PDE7B: variants seen among roughly 807,000 people sequenced by gnomAD.
The protein encoded by PDE7B is phosphodiesterase 7B.
In PDE7B, 29 loss-of-function variants were observed where a neutral mutation model predicts 56.2. The ratio of observed to expected loss-of-function variants is 0.52; its 90% CI spans 0.38 to 0.70. The LOEUF is 0.70. PDE7B is among the 30% of genes least tolerant of loss of function. The pLI is 0.00. For missense variants in PDE7B, 490 were observed against 565.0 expected (o/e 0.87, Z 1.35); for synonymous variants, 197 against 196.9 (o/e 1.00, Z 0.00).
chr6:135,952,425 G>A (rs1774719414), intron 2 of PDE7B, among the ~76,000 whole-genome samples: 1 of 152,114 alleles, frequency 6.6e-6, no homozygotes, highest in Non-Finnish European at 1.5e-5. Context: ...AATCGGATGT[G>A]CATCAAGCAC....
At chr6:136,099,044 T>G (rs1172445745) in intron 2 of PDE7B, among the ~76,000 whole-genome samples, 1 of 151,952 alleles carries the variant, frequency 6.6e-6, no homozygotes, top group East Asian at 1.9e-4. Context: ...TCTGTCCTTG[T>G]GATATTTTGC....
chr6:136,151,338 T>A lies in PDE7B; in HGVS notation c.478+83T>A, dbSNP rs2128447292. On this transcript the variant is annotated intron_variant, in intron 6 of 12. Coordinates refer to ENST00000308191, the MANE Select transcript of PDE7B (RefSeq NM_018945.4). ...TACTCTTTAATATAAAGTGGTAAGA[T>A]CCATAGGATGATAGATGCATACCTC... 4.1e-6 allele frequency: 3 copies of A among 727,330 alleles called. No individual in the cohort carries two copies. The East Asian group carries it at 7.7e-5, about 19-fold the overall frequency. 45.1% of individuals were successfully genotyped at this position (727,330 alleles called of 1,614,324 possible).
At chr6:136,039,237 C>T in intron 2 of PDE7B, among the ~76,000 whole-genome samples, 1 of 152,130 alleles carries the variant, frequency 6.6e-6, no homozygotes, top group East Asian at 1.9e-4. Flanking sequence ...ACCACCAAGA[C>T]ACCCAGCATG....
chr6:135,928,690 G>A (rs1448820746), intron 1 of PDE7B, among the ~76,000 whole-genome samples: 4 of 150,802 alleles, frequency 2.7e-5, no homozygotes, highest in African/African-American at 7.3e-5. Flanking sequence ...TATCCTAAGT[G>A]AACTAACACA....
chr6:136,028,977 T>C (rs1054511267), intron 2 of PDE7B, among the ~76,000 whole-genome samples: 2 of 152,228 alleles, frequency 1.3e-5, no homozygotes. Flanking sequence ...AAATTTTGCA[T>C]ATTCAATGTA....
At chr6:135,998,628 T>C (rs6570059) in intron 2 of PDE7B, among the ~76,000 whole-genome samples, 7,811 of 152,038 alleles carry the variant, frequency 0.051, 570 homozygotes, top group African/African-American at 0.17. Flanking sequence ...TGGTGGTGGG[T>C]GCCTGTAGTC....
intron 2 of PDE7B, among the ~76,000 whole-genome samples, chr6:136,009,383 T>C (rs1343540089): frequency 1.3e-5 from 2 of 152,148 alleles, no homozygotes; most frequent in African/African-American, 2.4e-5. Flanking sequence ...AAGTCATTGG[T>C]AGCTTGATGG....
At chr6:136,048,372 AAAT>A (rs1302339170) in intron 2 of PDE7B, among the ~76,000 whole-genome samples, 1 of 152,160 alleles carries the variant, frequency 6.6e-6, no homozygotes, top group African/African-American at 2.4e-5. Context: ...AAAAATACAA[AAAT>A]TAGAGGCGTG....
intron 3 of PDE7B, among the ~76,000 whole-genome samples, chr6:136,121,927 G>C (rs1203800983): frequency 5.3e-5 from 8 of 152,178 alleles, no homozygotes; most frequent in Non-Finnish European, 1.2e-4. Context: ...TGTAAAATTA[G>C]GCTGAAACCC....
intron 3 of PDE7B, among the ~76,000 whole-genome samples, chr6:136,132,169 C>T (rs896278517): frequency 3.3e-5 from 5 of 152,222 alleles, no homozygotes; most frequent in Admixed American, 6.5e-5. Flanking sequence ...ACTGAAACTC[C>T]ATACCCCTTG....
At chr6:136,182,747 A>C (rs1227210844) in intron 11 of PDE7B, among the ~76,000 whole-genome samples, 2 of 152,178 alleles carry the variant, frequency 1.3e-5, no homozygotes, top group Non-Finnish European at 2.9e-5. Context: ...AAGTACAGTA[A>C]ATGGTATCAA....
intron 2 of PDE7B, among the ~76,000 whole-genome samples, chr6:135,956,885 GAAGGAAGGAAGGA>G (rs901606163): frequency 1.4e-4 from 21 of 147,928 alleles, no homozygotes; most frequent in Non-Finnish European, 2.4e-4. Context: ...AATAAAGACG[GAAGGAAGGAAGGA>G]AAGGAAGGAA....
chr6:135,896,882 T>C (rs1254111666), intron 1 of PDE7B, among the ~76,000 whole-genome samples: 2 of 152,104 alleles, frequency 1.3e-5, no homozygotes, highest in Non-Finnish European at 2.9e-5. Context: ...AATAGTTAAA[T>C]ACTTGTTGTC....
At chr6:136,136,983 A>G (rs1413700454) in intron 3 of PDE7B, among the ~76,000 whole-genome samples, 1 of 152,138 alleles carries the variant, frequency 6.6e-6, no homozygotes, top group Non-Finnish European at 1.5e-5. Flanking sequence ...TGTTTCCATT[A>G]CATGTAAGAT....
chr6:136,157,739 G>T (rs961744974), intron 8 of PDE7B, among the ~76,000 whole-genome samples: 3 of 152,164 alleles, frequency 2.0e-5, no homozygotes, highest in Admixed American at 6.5e-5. Flanking sequence ...CATAGAAAAA[G>T]AATGCTATAA....
chr6:136,168,178 T>C (rs1778825764), intron 8 of PDE7B, among the ~76,000 whole-genome samples: 1 of 152,220 alleles, frequency 6.6e-6, no homozygotes, highest in African/African-American at 2.4e-5. Flanking sequence ...TTATGTAAGT[T>C]ATAGTCTTGC....
At chr6:136,073,368 CAT>C (rs1483689784) in intron 2 of PDE7B, among the ~76,000 whole-genome samples, 2 of 152,136 alleles carry the variant, frequency 1.3e-5, no homozygotes, top group African/African-American at 2.4e-5. Flanking sequence ...AAATTACGGG[CAT>C]ATGTCTTAAT....
chr6:136,071,627 G>A (rs963904243), intron 2 of PDE7B, among the ~76,000 whole-genome samples: 15 of 152,144 alleles, frequency 9.9e-5, no homozygotes, highest in African/African-American at 3.6e-4. Flanking sequence ...GAAAAATTAT[G>A]TTAAAATTAT....
intron 1 of PDE7B, among the ~76,000 whole-genome samples, chr6:135,926,492 G>C (rs914664952): frequency 3.3e-5 from 5 of 151,978 alleles, no homozygotes; most frequent in Non-Finnish European, 5.9e-5. Context: ...TGCGGGTGGG[G>C]GGGGCTTAGC....
Sources: allele counts gnomAD v4.1 joint callset (sites outside exome capture counted in the v4.1 genomes callset), GRCh38; gene constraint gnomAD v4.1.1; transcripts MANE v1.5; gene names NCBI Gene and HGNC (gene_info 2026-07-23, HGNC 2026-07-21).